The following KLHDC4 variants were observed in gnomAD, a reference collection of about 807,000 sequenced individuals.
KLHDC4 encodes kelch domain containing 4.
KLHDC4 carries 90 observed loss-of-function variants against 62.4 expected under a neutral mutation model. The observed-to-expected ratio is 1.44, with a 90% CI of 1.22 to 1.72. KLHDC4 has a LOEUF of 1.72. Ranked by LOEUF, KLHDC4 falls within the 40% of genes most tolerant of loss-of-function variation. The probability of loss-of-function intolerance (pLI) is 0.00; values close to 1 mark genes in which losing one functional copy is unlikely to be tolerated. For synonymous variants in KLHDC4, 386 were observed against 284.4 expected (o/e 1.36, Z -3.59); for missense variants, 1,025 against 699.7 (o/e 1.47, Z -5.25).
At chr16:87,748,327 G>A (rs1257319368) in intron 5 of KLHDC4, among the ~76,000 whole-genome samples, 1 of 152,110 alleles carries the variant, frequency 6.6e-6, no homozygotes, top group Non-Finnish European at 1.5e-5. Flanking sequence ...ATCGCTATGG[G>A]GCCCCCCTTC....
chr16:87,725,424 C>G (rs915570207), intron 7 of KLHDC4, among the ~76,000 whole-genome samples: 19 of 152,244 alleles, frequency 1.2e-4, no homozygotes, highest in African/African-American at 4.6e-4. Context: ...CTCGGCCTCC[C>G]AAAGTGCTGG....
chr16:87,748,821 A>C lies in KLHDC4; in HGVS notation c.370-12T>G. On this transcript the variant is annotated splice_polypyrimidine_tract_variant and intron_variant, in intron 4 of 11. Transcript: ENST00000270583. ...GGCACTACCACCGCCTGTGAAAAGAAAGGTGACAGGTCAGGGCACAGCCAC... is the reference window on the plus strand; with the variant it reads ...GGCACTACCACCGCCTGTGAAAAGACAGGTGACAGGTCAGGGCACAGCCAC... The C allele has an allele frequency of 1.9e-6, 3 of 1,611,612 alleles. No individual in the cohort carries two copies. Among genetic ancestry groups the C allele is most frequent in the Non-Finnish European group, 2.5e-6 (3 of 1,179,546 alleles).
chr16:87,700,903 G>A (rs911476458), exon 1 of KLHDC4: 12 of 259,256 alleles, frequency 4.6e-5, no homozygotes, highest in African/African-American at 1.4e-4. Context: ...GCTGGAGGGC[G>A]GAAGGAGTCA....
chr16:87,748,467 T>C (rs1378309182), intron 5 of KLHDC4, among the ~76,000 whole-genome samples: 1 of 152,130 alleles, frequency 6.6e-6, no homozygotes, highest in Non-Finnish European at 1.5e-5. Flanking sequence ...ACCAGGCAGC[T>C]GGCACCCCCC....
rs1421553014 is a variant in KLHDC4, at chr16:87,765,776, G to A, written c.99+16C>T. ...GCCGCGACGTCGGGCCGCTAAGCCC[G>A]GTCTGACCCGCTCACCTCCTCCTTC... On this transcript the variant is annotated intron_variant, in intron 1 of 11. Coordinates refer to ENST00000270583, the MANE Select transcript of KLHDC4 (RefSeq NM_017566.4). The A allele has an allele frequency of 1.3e-6, 2 of 1,566,522 alleles. No homozygotes were observed. Among genetic ancestry groups the A allele is most frequent in the Non-Finnish European group, 1.7e-6 (2 of 1,155,736 alleles).
intron 7 of KLHDC4, among the ~76,000 whole-genome samples, chr16:87,715,313 G>C (rs762369224): frequency 6.6e-6 from 1 of 152,128 alleles, no homozygotes. Context: ...AAATTGAGAC[G>C]ATAGTACCGA....
exon 1 of KLHDC4, chr16:87,701,654 C>T (rs777428732): frequency 7.9e-5 from 36 of 454,266 alleles, no homozygotes; most frequent in South Asian, 4.0e-4. Context: ...GCCACTCGTC[C>T]GCCTCGTCCA....
At chr16:87,739,825 G>A (rs932979098) in intron 5 of KLHDC4, 6 of 152,302 alleles carry the variant, frequency 3.9e-5, no homozygotes, top group Admixed American at 3.9e-4. Context: ...AGACAGCAGG[G>A]ACCGGGGACG....
rs1472178559 is a variant in KLHDC4, at chr16:87,752,838, C to T, written c.369+2356G>A. Among the ~76,000 whole-genome samples the T allele has an allele frequency of 2.0e-5, 3 of 152,208 alleles. No homozygotes were observed. In the East Asian group the frequency reaches 5.8e-4, roughly 29 times the overall value. On this transcript the variant is annotated intron_variant, in intron 4 of 11. Coordinates refer to ENST00000270583, the MANE Select transcript of KLHDC4 (RefSeq NM_017566.4). ...AAACTACGGAGACCCACAGATAAAA[C>T]TTCTACTCCTGCCCACGATGGAGCA...
At chr16:87,726,100 A>C (rs1056907142) in intron 7 of KLHDC4, among the ~76,000 whole-genome samples, 1 of 152,096 alleles carries the variant, frequency 6.6e-6, no homozygotes, top group African/African-American at 2.4e-5. Flanking sequence ...ATATTCAACC[A>C]ATGAGTAATC....
chr16:87,741,644 C>A (rs750521957), intron 5 of KLHDC4, among the ~76,000 whole-genome samples: 1 of 152,198 alleles, frequency 6.6e-6, no homozygotes, highest in East Asian at 1.9e-4. Context: ...TACATTAACA[C>A]AACTCAAATC....
chr16:87,764,758 T>C (rs2046370997), intron 1 of KLHDC4, among the ~76,000 whole-genome samples: 1 of 147,780 alleles, frequency 6.8e-6, no homozygotes, highest in Non-Finnish European at 1.5e-5. Flanking sequence ...ATGAACTGAC[T>C]TCCTGTGCCA....
chr16:87,712,151 A>T (rs1411030388), intron 8 of KLHDC4, among the ~76,000 whole-genome samples: 1 of 151,712 alleles, frequency 6.6e-6, no homozygotes, highest in East Asian at 1.9e-4. Flanking sequence ...TACTTCAGGA[A>T]GGGTCTATGT....
In KLHDC4 at chr16:87,756,862, G is replaced by A. The variant is rs576776576; in HGVS notation, c.192-385C>T. 2.8e-4 allele frequency among the ~76,000 whole-genome samples: 42 copies of A among 151,898 alleles called. No homozygotes were observed. In the East Asian group the frequency reaches 7.6e-3, roughly 27 times the overall value. On this transcript the variant is annotated intron_variant, in intron 2 of 11. Coordinates refer to ENST00000270583, the MANE Select transcript of KLHDC4 (RefSeq NM_017566.4). ...GAGTTTCCCTCTTGTCACCCAGGCT[G>A]GAGTGCAATGGCACAATCTCAGCTC...
At chr16:87,725,008 A>G (rs2039088681) in intron 7 of KLHDC4, among the ~76,000 whole-genome samples, 1 of 152,250 alleles carries the variant, frequency 6.6e-6, no homozygotes, top group Admixed American at 6.5e-5. Flanking sequence ...ATAATGGAAC[A>G]CTTCAGCACG....
intron 5 of KLHDC4, among the ~76,000 whole-genome samples, chr16:87,740,192 A>G (rs1395724326): frequency 6.6e-6 from 1 of 152,140 alleles, no homozygotes; most frequent in Non-Finnish European, 1.5e-5. Context: ...AGACCTAACC[A>G]AACTCTGAAT....
chr16:87,754,220 C>T (rs543097181), intron 4 of KLHDC4, among the ~76,000 whole-genome samples: 2 of 152,162 alleles, frequency 1.3e-5, no homozygotes, highest in South Asian at 4.1e-4. Context: ...GTGAGGGGTG[C>T]CTGTAATCCC....
chr16:87,730,427 A>T, intron 6 of KLHDC4, 125 bp downstream of exon 6: 2 of 795,126 alleles, frequency 2.5e-6, no homozygotes, highest in South Asian at 3.7e-5. Flanking sequence ...TGGCTGCCCA[A>T]AGCTCATGAA....
rs368837857 is a variant in KLHDC4, at chr16:87,741,288, C to T, written c.506+7385G>A. Among the ~76,000 whole-genome samples, 705 of 152,336 alleles carry T rather than the reference C, an allele frequency of 4.6e-3. 7 individuals are homozygous for T. Among genetic ancestry groups the T allele is most frequent in the African/African-American group, 0.016 (660 of 41,590 alleles). On this transcript the variant is annotated intron_variant, in intron 5 of 11. Coordinates refer to ENST00000270583, the MANE Select transcript of KLHDC4 (RefSeq NM_017566.4). ...CAGCCAGCGCTGGCCTGGACAGAGG[C>T]CCAGGCGCCCTGCTGCCTGCCAGTT...
Sources: allele counts gnomAD v4.1 joint callset (sites outside exome capture counted in the v4.1 genomes callset), GRCh38; gene constraint gnomAD v4.1.1; transcripts MANE v1.5; gene names NCBI Gene and HGNC (gene_info 2026-07-23, HGNC 2026-07-21).